The following TRPM5 variants were observed in gnomAD, a reference collection of about 807,000 sequenced individuals.
TRPM5 encodes transient receptor potential cation channel subfamily M member 5.
In TRPM5, 121 loss-of-function variants were observed where a neutral mutation model predicts 124.9. The observed-to-expected ratio is 0.97, with a 90% CI of 0.84 to 1.13. The LOEUF (loss-of-function observed/expected upper bound fraction) is 1.13. TRPM5 is among the 50% of genes most tolerant of loss of function. The probability of loss-of-function intolerance (pLI) is 0.00; values close to 1 mark genes in which losing one functional copy is unlikely to be tolerated. For missense variants in TRPM5, 1,643 were observed against 1,589.1 expected (o/e 1.03, Z -0.58); for synonymous variants, 781 against 700.5 (o/e 1.11, Z -1.81).
At chr11:2,419,087 T>G (rs533705857) in intron 4 of TRPM5, among the ~76,000 whole-genome samples, 1 of 152,198 alleles carries the variant, frequency 6.6e-6, no homozygotes, top group African/African-American at 2.4e-5. Flanking sequence ...GACCTGCCCC[T>G]GTCTTCTGTG....
At chr11:2,430,791 G>GTGGTGGTTTTGGTGGCGGTGATGGTGA in the TRPM5 span, among the ~76,000 whole-genome samples, 1 of 151,180 alleles carries the variant, frequency 6.6e-6, no homozygotes, top group African/African-American at 2.4e-5. Context: ...GTTGATGGTG[G>GTGGTGGTTTTGGTGGCGGTGATGGTGA]TGGTGGTTTT....
Position 2,417,720 on chromosome 11 carries a change from C to T in TRPM5, c.1009+7G>A. 1.9e-6 allele frequency: 3 copies of T among 1,553,410 alleles called. No individual in the cohort carries two copies. The highest frequency in any genetic ancestry group is 1.8e-6 in the Non-Finnish European group (2 of 1,138,446). ...GCGCCTGCCTTGCCCACCCTGCCCG[C>T]CCTCACCTTTCACCAGCGCCTTCAG... On this transcript the variant is annotated splice_region_variant and intron_variant, in intron 7 of 23. Coordinates refer to ENST00000155858, the Ensembl canonical transcript of TRPM5.
At chr11:2,414,152 A>G (rs1157442177) in exon 12 of TRPM5, 1 of 1,609,156 alleles carries the variant, frequency 6.2e-7, no homozygotes, top group African/African-American at 1.3e-5. Context: ...GTTCCGGCGC[A>G]CCAGCAGGGC....
chr11:2,410,222 G>A (rs1025187816), intron 18 of TRPM5, among the ~76,000 whole-genome samples: 71 of 152,336 alleles, frequency 4.7e-4, no homozygotes, highest in Non-Finnish European at 7.4e-4. Context: ...GAAATGAGCC[G>A]CGCTGGGAGA....
intron 12 of TRPM5, 52 bp downstream of exon 17, chr11:2,414,009 G>GGGGGGCGCCCCCCCCCC: frequency 9.8e-7 from 1 of 1,023,726 alleles, no homozygotes; most frequent in Non-Finnish European, 1.4e-6. Context: ...GGCCCAGCTC[G>GGGGGGCGCCCCCCCCCC]CCCGCCCACC....
intron 5 of TRPM5, 67 bp from the exon 11 acceptor site, chr11:2,418,425 G>T: frequency 6.7e-7 from 1 of 1,502,448 alleles, no homozygotes; most frequent in South Asian, 1.2e-5. Flanking sequence ...GCAGGTGTCA[G>T]GGGTGCCCCC....
At chr11:2,416,410 G>A (rs1845681650) in intron 7 of TRPM5, among the ~76,000 whole-genome samples, 1 of 152,166 alleles carries the variant, frequency 6.6e-6, no homozygotes, top group African/African-American at 2.4e-5. Flanking sequence ...AAGGGCATTT[G>A]GCCATGACTT....
At chr11:2,405,461 C>A in intron 23 of TRPM5, 66 bp downstream of exon 28, 2 of 1,480,164 alleles carry the variant, frequency 1.4e-6, no homozygotes, top group Non-Finnish European at 9.2e-7. Context: ...CAGCCTACGG[C>A]CCCCCAGCCG....
At chr11:2,413,424 G>A (rs368311215) in intron 13 of TRPM5, 52 bp downstream of exon 18, 84 of 1,517,996 alleles carry the variant, frequency 5.5e-5, no homozygotes, top group Non-Finnish European at 6.3e-5. Context: ...CCGTAGCTCC[G>A]GCACTCGCAC....
chr11:2,441,752 C>G, the TRPM5 span, among the ~76,000 whole-genome samples: 1 of 151,960 alleles, frequency 6.6e-6, no homozygotes, highest in Non-Finnish European at 1.5e-5. The surrounding 1 kb of genome is among the most constrained non-coding windows in gnomAD (Gnocchi z 7.2). Flanking sequence ...TGCAGTGGTG[C>G]GATCTCAGCT....
chr11:2,411,796 G>A (rs780267375), intron 16 of TRPM5, 29 bp from the exon 22 acceptor site: 101 of 1,610,868 alleles, frequency 6.3e-5, no homozygotes, highest in Middle Eastern at 1.7e-4. Flanking sequence ...ATGCGGCTGC[G>A]GGGCCCAGAG....
upstream of TRPM5, among the ~76,000 whole-genome samples, chr11:2,428,012 C>T (rs945662856): frequency 1.1e-4 from 16 of 152,254 alleles, no homozygotes; most frequent in African/African-American, 3.1e-4. This position sits in a 1 kb window ranked among gnomAD's most constrained non-coding sequence, Gnocchi z 4.0. Flanking sequence ...CGGTCAGCAC[C>T]AGGGATGCTC....
In TRPM5 at chr11:2,418,607, C is replaced by A; in HGVS notation, c.650-16G>T. On this transcript the variant is annotated splice_polypyrimidine_tract_variant and intron_variant, in intron 4 of 23. Coordinates refer to ENST00000155858, the Ensembl canonical transcript of TRPM5. ...CTGCCAGTGCCTGTGGACAGGGCAC[C>A]CGTGAGGCCTGAGGACCCTCCGCCT... The A allele has an allele frequency of 6.2e-7, 1 of 1,607,900 alleles. No individual in the cohort carries two copies. Among genetic ancestry groups the A allele is most frequent in the Middle Eastern group, 1.7e-4 (1 of 6,050 alleles).
At chr11:2,415,285 C>T (rs370665195) in exon 9 of TRPM5, 7 of 1,576,378 alleles carry the variant, frequency 4.4e-6, no homozygotes, top group East Asian at 2.3e-5. Context: ...GTCAGCCGGG[C>T]CTCCTCCTGC....
At chr11:2,410,408 AGCC>A (rs1850421729) in intron 18 of TRPM5, among the ~76,000 whole-genome samples, 1 of 134,614 alleles carries the variant, frequency 7.4e-6, no homozygotes, top group Non-Finnish European at 1.6e-5. Flanking sequence ...GGGCAGCCCC[AGCC>A]GCCTGACACC....
At chr11:2,404,975 C>T (rs774232447) in exon 24 of TRPM5, 7 of 1,612,604 alleles carry the variant, frequency 4.3e-6, no homozygotes, top group Non-Finnish European at 4.2e-6. Context: ...CCGGGTTGTT[C>T]CCAGCCATCT....
the TRPM5 span, among the ~76,000 whole-genome samples, chr11:2,435,899 T>TC: frequency 6.6e-6 from 1 of 152,188 alleles, no homozygotes; most frequent in East Asian, 1.9e-4. The surrounding 1 kb of genome is among the most constrained non-coding windows in gnomAD (Gnocchi z 4.1). Flanking sequence ...GGCGAGTCAG[T>TC]CTCTGGTCTC....
the TRPM5 span, among the ~76,000 whole-genome samples, chr11:2,431,460 G>T: frequency 1.3e-5 from 2 of 152,206 alleles, no homozygotes; most frequent in East Asian, 1.9e-4. Context: ...AGCCTATGGG[G>T]TTGGGAGGCA....
chr11:2,418,863 C>T (rs1031613348), intron 4 of TRPM5, among the ~76,000 whole-genome samples: 4 of 152,188 alleles, frequency 2.6e-5, no homozygotes, highest in East Asian at 1.9e-4. Context: ...GTGGAAGAAA[C>T]GGAGCACCCA....
Sources: gnomAD v4.1 joint callset for allele counts (sites outside exome capture counted in the v4.1 genomes callset) on GRCh38, gnomAD v4.1.1 for gene constraint, Gnocchi (gnomAD v3.1) non-coding constraint, MANE v1.5 for transcripts, NCBI Gene and HGNC (gene_info 2026-07-23, HGNC 2026-07-21) for gene names.